The following SSH1 variants were observed in gnomAD, a reference collection of about 807,000 sequenced individuals.
SSH1 encodes the protein protein phosphatase Slingshot homolog 1.
SSH1 carries 43 observed loss-of-function variants against 79.7 expected under a neutral mutation model. The ratio of observed to expected loss-of-function variants is 0.54; its 90% CI spans 0.42 to 0.70. The LOEUF (loss-of-function observed/expected upper bound fraction) is 0.70. Among genes scored for constraint, SSH1 ranks in the 30% least tolerant of loss-of-function variants. SSH1 has a pLI of 0.00. For synonymous variants in SSH1, 599 were observed against 538.3 expected (o/e 1.11, Z -1.56); for missense variants, 1,206 against 1,358.8 (o/e 0.89, Z 1.77).
chr12:108,791,760 T>G (rs1338093740), intron 14 of SSH1, among the ~76,000 whole-genome samples: 1 of 152,108 alleles, frequency 6.6e-6, no homozygotes, highest in Non-Finnish European at 1.5e-5. Flanking sequence ...TTGTCTATAG[T>G]ATGTATCTAT....
At chr12:108,811,871 G>A (rs1392603305) in intron 5 of SSH1, among the ~76,000 whole-genome samples, 1 of 152,130 alleles carries the variant, frequency 6.6e-6, no homozygotes, top group Non-Finnish European at 1.5e-5. Context: ...GGAAAGAAAG[G>A]GCTTATCGGA....
At position 108,787,171 on chromosome 12, in the gene SSH1, C is replaced by T. The variant is rs1029594831; in HGVS notation, c.*817G>A. The stretch of plus-strand genomic sequence containing the variant: ...ACCTAAACACAATCATGTGTTTCAG[C>T]AGCAGACACTCAACAATGCAGGTGG... On this transcript the variant is annotated 3_prime_UTR_variant, in exon 15 of 15. Coordinates refer to ENST00000326495, the MANE Select transcript of SSH1 (RefSeq NM_018984.4). 6 of 152,356 alleles carry T rather than the reference C, an allele frequency of 3.9e-5. No homozygotes were observed. The highest frequency in any genetic ancestry group is 1.4e-4 in the African/African-American group (6 of 41,576). 9.4% of individuals were successfully genotyped at this position (152,356 alleles called of 1,614,324 possible). A position where few individuals can be genotyped will look rare whatever the true frequency, so the allele number is the denominator to read the frequency against.
intron 5 of SSH1, 42 bp from the exon 6 acceptor site, chr12:108,811,370 C>A: frequency 6.3e-7 from 1 of 1,592,502 alleles, no homozygotes; most frequent in Non-Finnish European, 8.6e-7. Context: ...AGCGTCTACC[C>A]ACCTACGTGT....
intron 7 of SSH1, among the ~76,000 whole-genome samples, chr12:108,808,836 T>C (rs1283993869): frequency 1.4e-5 from 2 of 143,744 alleles, no homozygotes; most frequent in African/African-American, 5.2e-5. Flanking sequence ...TTTTTTTTTT[T>C]TTTTTTTTTT....
intron 1 of SSH1, 127 bp from the exon 2 acceptor site, chr12:108,852,805 A>T (rs1315821936): frequency 6.3e-7 from 1 of 1,577,096 alleles, no homozygotes; most frequent in Non-Finnish European, 8.6e-7. Context: ...AGCTACTTCT[A>T]AACAGCCGTG....
rs2036384743 is a variant in SSH1, at chr12:108,788,952, C to G, written c.2186G>C (p.Gly729Ala). The change falls in exon 15 of 15, where the codon GGG (glycine) becomes GCG (alanine). Residue 729 changes from glycine to alanine, a missense_variant. Physicochemically the swap from Gly to Ala is moderately conservative, Grantham distance 60. This residue lies in a region of SSH1 where 709 missense variants were observed against 730.6 expected (regional missense o/e 0.97). Transcript: ENST00000326495. ...GSRRADTSGP[G>A]AGAALEPPAS... is the part of the protein sequence containing the mutation. ...TGGTGGCTCTAGGGCAGCTCCAGCC[C>G]CAGGGCCACTGGTGTCTGCCCTCCT... 5.0e-6 allele frequency: 8 copies of G among 1,613,798 alleles called. No individual in the cohort carries two copies. Among genetic ancestry groups the G allele is most frequent in the Non-Finnish European group, 6.8e-6 (8 of 1,179,856 alleles).
intron 2 of SSH1, among the ~76,000 whole-genome samples, chr12:108,839,868 T>G (rs1472648572): frequency 6.6e-6 from 1 of 152,056 alleles, no homozygotes; most frequent in Admixed American, 6.5e-5. Flanking sequence ...GGGCTGGCAC[T>G]GAAAATGATG....
At chr12:108,802,226 A>T in intron 11 of SSH1, 96 bp downstream of exon 11, 1 of 1,121,684 alleles carries the variant, frequency 8.9e-7, no homozygotes, top group Non-Finnish European at 1.3e-6. Flanking sequence ...GCAGGCAATT[A>T]CAGGCAGGCA....
At chr12:108,796,834 C>T (rs1003570917) in intron 13 of SSH1, among the ~76,000 whole-genome samples, 6 of 151,406 alleles carry the variant, frequency 4.0e-5, no homozygotes, top group Non-Finnish European at 8.8e-5. Flanking sequence ...CCTCCACCTC[C>T]CGGGTTCAAG....
rs1204371084 is a variant in SSH1, at chr12:108,782,148, A to T, written c.*5840T>A. On this transcript the variant is annotated 3_prime_UTR_variant, in exon 15 of 15. Transcript: ENST00000326495. ...ACCCAGTCTCAAAAAAAAAAAAAAAAAAATTAAAAAAAAAAAAATGGAAGC... is the reference window on the plus strand; with the variant it reads ...ACCCAGTCTCAAAAAAAAAAAAAAATAAATTAAAAAAAAAAAAATGGAAGC... 2.0e-5 allele frequency: 3 copies of T among 150,958 alleles called. No individual in the cohort carries two copies. The highest frequency in any genetic ancestry group is 4.9e-5 in the African/African-American group (2 of 41,028). 9.4% of individuals were successfully genotyped at this position (150,958 alleles called of 1,614,324 possible).
chr12:108,793,215 T>C (rs964121638), intron 13 of SSH1, among the ~76,000 whole-genome samples: 1 of 152,108 alleles, frequency 6.6e-6, no homozygotes, highest in Middle Eastern at 3.2e-3. Context: ...ACCTATATTG[T>C]AGGGAAATGA....
chr12:108,786,413 G>C lies in SSH1; in HGVS notation c.*1575C>G, dbSNP rs2036275165. Reference sequence around the variant, plus strand: ...GGCCTTAGGTGTCAGAGAGGCAGAGGGCTTCACATTTACCCAGTTTCTTCC... The same window carrying C: ...GGCCTTAGGTGTCAGAGAGGCAGAGCGCTTCACATTTACCCAGTTTCTTCC... On this transcript the variant is annotated 3_prime_UTR_variant, in exon 15 of 15. Coordinates refer to ENST00000326495, the MANE Select transcript of SSH1 (RefSeq NM_018984.4). 6.6e-6 allele frequency: 1 copy of C among 152,282 alleles called. No individual in the cohort carries two copies. Among genetic ancestry groups the C allele is most frequent in the Admixed American group, 6.6e-5 (1 of 15,266 alleles). 9.4% of individuals were successfully genotyped at this position (152,282 alleles called of 1,614,324 possible).
rs74828806 is a variant in SSH1 at position 108,831,507 on chromosome 12, G to A, written c.111-8146C>T. Among the ~76,000 whole-genome samples, 992 of 152,256 alleles carry A rather than the reference G, an allele frequency of 6.5e-3. 7 individuals are homozygous for A. The highest frequency in any genetic ancestry group is 0.011 in the Non-Finnish European group (768 of 68,010). ...CCACAGACCACTCCACACCTGGTCT[G>A]GAGTGACACTGGAGGGCCAGGCAGG... On this transcript the variant is annotated intron_variant, in intron 2 of 14. Coordinates refer to ENST00000326495, the MANE Select transcript of SSH1 (RefSeq NM_018984.4).
rs187906902 is a variant in SSH1 at position 108,807,967 on chromosome 12, G to A, written c.537-140C>T. 5.2e-4 allele frequency: 402 copies of A among 777,090 alleles called. No homozygotes were observed. Among genetic ancestry groups the A allele is most frequent in the Non-Finnish European group, 6.9e-4 (321 of 467,410 alleles). 48.1% of individuals were successfully genotyped at this position (777,090 alleles called of 1,614,324 possible). A position where few individuals can be genotyped will look rare whatever the true frequency, so the allele number is the denominator to read the frequency against. On this transcript the variant is annotated intron_variant, in intron 7 of 14. Coordinates refer to ENST00000326495, the MANE Select transcript of SSH1 (RefSeq NM_018984.4). The surrounding 1 kb of genome is among the most constrained non-coding windows in gnomAD (Gnocchi z 5.2). ...TTATTTCTTTTTGGGACAGAGTCTCGCTCTGTCACTCCCAGGCTAGAGTGC... is the reference window on the plus strand; with the variant it reads ...TTATTTCTTTTTGGGACAGAGTCTCACTCTGTCACTCCCAGGCTAGAGTGC...
intron 3 of SSH1, among the ~76,000 whole-genome samples, chr12:108,820,625 T>A (rs986644342): frequency 2.0e-5 from 3 of 152,070 alleles, no homozygotes; most frequent in African/African-American, 7.2e-5. Flanking sequence ...CACAAAAAAA[T>A]CAGAGAATAT....
At chr12:108,813,526 C>CA (rs1049682922) in intron 5 of SSH1, among the ~76,000 whole-genome samples, 22 of 150,092 alleles carry the variant, frequency 1.5e-4, no homozygotes, top group Admixed American at 1.4e-3. Context: ...CCAGCCTGGG[C>CA]AATAGTGATT....
chr12:108,784,253 C>T lies in SSH1; in HGVS notation c.*3735G>A, dbSNP rs1402544159. On this transcript the variant is annotated 3_prime_UTR_variant, in exon 15 of 15. Coordinates refer to ENST00000326495, the MANE Select transcript of SSH1 (RefSeq NM_018984.4). ...ATTAGTCCAGGGCCGTGCTGAGGGT[C>T]TGTTCTGTTCAAGCTCAGCTCCACA... 1.3e-5 allele frequency: 2 copies of T among 152,222 alleles called. No individual in the cohort carries two copies. The highest frequency in any genetic ancestry group is 2.9e-5 in the Non-Finnish European group (2 of 68,086). The allele number at this position is 152,222 out of a possible 1,614,324, so 9.4% of individuals were successfully genotyped here.
At chr12:108,846,794 G>A (rs1014162831) in intron 2 of SSH1, among the ~76,000 whole-genome samples, 4 of 152,170 alleles carry the variant, frequency 2.6e-5, no homozygotes, top group Non-Finnish European at 4.4e-5. Flanking sequence ...TGCAGGAGTC[G>A]GCCCCTTTAA....
intron 1 of SSH1, among the ~76,000 whole-genome samples, chr12:108,855,787 T>A (rs2039132040): frequency 6.6e-6 from 1 of 152,192 alleles, no homozygotes; most frequent in Non-Finnish European, 1.5e-5. Flanking sequence ...CCAGTGTTCT[T>A]TTGCCTCTAA....
Sources: gnomAD v4.1 joint callset for allele counts (sites outside exome capture counted in the v4.1 genomes callset) on GRCh38, gnomAD v4.1.1 for gene constraint, gnomAD v4.1.1 regional missense constraint, Gnocchi (gnomAD v3.1) non-coding constraint, MANE v1.5 for transcripts, NCBI Gene and HGNC (gene_info 2026-07-23, HGNC 2026-07-21) for gene names.